The following EML6 variants were observed in gnomAD, a reference collection of about 807,000 sequenced individuals.
The protein encoded by EML6 is echinoderm microtubule-associated protein-like 6.
EML6 carries 154 observed loss-of-function variants against 240.1 expected under a neutral mutation model. The observed-to-expected ratio is 0.64, with a 90% CI of 0.56 to 0.73. EML6 has a LOEUF of 0.73. Among genes scored for constraint, EML6 ranks in the 30% least tolerant of loss-of-function variants. The pLI, the probability that EML6 is intolerant of heterozygous loss-of-function variation, is 0.00. For synonymous variants in EML6, 1,148 were observed against 899.0 expected, an observed-to-expected ratio of 1.28 and a Z score of -4.95; for missense variants, 2,964 against 2,474.6, an observed-to-expected ratio of 1.20 and a Z score of -4.20.
chr2:54,819,559 C>T (rs988964123), intron 4 of EML6, among the ~76,000 whole-genome samples: 3 of 152,050 alleles, frequency 2.0e-5, no homozygotes, highest in Non-Finnish European at 2.9e-5. Flanking sequence ...AGGTGGATCA[C>T]GAGGTCACAA....
chr2:54,968,696 C>T lies in EML6; in HGVS notation c.5780C>T (p.Ser1927Leu), dbSNP rs1445060346. ...FAKHKRYFGH[S>L]AHVTNIRFSY... The stretch of plus-strand genomic sequence containing the variant: ...AAACATAAGCGATACTTCGGTCACT[C>T]GGCTCACGTGACGAACATCCGTTTC... Residue 1927 changes from serine (S) to leucine (L), a missense_variant, in exon 41 of 42, where the codon TCG (serine) becomes TTG (leucine). Ser to Leu is a moderately radical substitution (Grantham distance 145). Coordinates refer to ENST00000356458, the MANE Select transcript of EML6 (RefSeq NM_001039753.4). The T allele has an allele frequency of 1.3e-6, 2 of 1,550,990 alleles. No individual in the cohort carries two copies. The highest frequency in any genetic ancestry group is 1.7e-6 in the Non-Finnish European group (2 of 1,146,356).
intron 2 of EML6, among the ~76,000 whole-genome samples, chr2:54,731,130 G>C (rs1361075572): frequency 6.6e-6 from 1 of 152,146 alleles, no homozygotes; most frequent in African/African-American, 2.4e-5. Flanking sequence ...GCAGAGAAGA[G>C]GTTATGTGCA....
chr2:54,931,973 T>C (rs1477059476), intron 28 of EML6, among the ~76,000 whole-genome samples: 2 of 152,208 alleles, frequency 1.3e-5, no homozygotes, highest in Non-Finnish European at 2.9e-5. Flanking sequence ...TTTTAAGATA[T>C]TTGTGGATTG....
chr2:54,893,210 C>T (rs570887430), intron 19 of EML6, among the ~76,000 whole-genome samples: 14 of 152,196 alleles, frequency 9.2e-5, no homozygotes, highest in Admixed American at 8.5e-4. Context: ...TTGCAGTGTC[C>T]CTCTACAAAG....
At chr2:54,778,533 A>G (rs1452121635) in intron 2 of EML6, among the ~76,000 whole-genome samples, 1 of 152,142 alleles carries the variant, frequency 6.6e-6, no homozygotes, top group Non-Finnish European at 1.5e-5. Flanking sequence ...ACCATGCACT[A>G]AGTTTTGGGT....
chr2:54,771,830 T>C (rs1572878168), intron 2 of EML6, among the ~76,000 whole-genome samples: 2 of 152,240 alleles, frequency 1.3e-5, no homozygotes, highest in East Asian at 3.8e-4. Flanking sequence ...TCATTTGTGT[T>C]ACCTCTTCAA....
chr2:54,729,568 G>A (rs1683065111), intron 2 of EML6, among the ~76,000 whole-genome samples: 1 of 152,212 alleles, frequency 6.6e-6, no homozygotes. Context: ...GGCACAGAGA[G>A]GTTGAGGATC....
At position 54,812,240 on chromosome 2, in the gene EML6, CAG is replaced by C. The variant is rs142430561; in HGVS notation, c.198-988_198-987del. Among the ~76,000 whole-genome samples, 1,155 of 151,624 alleles carry C rather than the reference CAG, an allele frequency of 7.6e-3. 10 individuals carry two copies. The highest frequency in any genetic ancestry group is 0.027 in the African/African-American group (1,105 of 41,300). ...AGATGAAGTAATTTGTCCAAAGAAC[CAG>C]AGATACTAAGGGCAGCCAACATGCA... On this transcript the variant is annotated intron_variant, in intron 2 of 41. Transcript: ENST00000356458.
chr2:54,741,194 A>C (rs1683613383), intron 2 of EML6, among the ~76,000 whole-genome samples: 1 of 151,986 alleles, frequency 6.6e-6, no homozygotes. Flanking sequence ...TCTCTATCTT[A>C]CTGCTTCTGC....
chr2:54,866,752 T>C lies in EML6; in HGVS notation c.1933-14T>C, dbSNP rs150705362. 179 of 1,496,162 alleles carry C rather than the reference T, an allele frequency of 1.2e-4. No individual in the cohort carries two copies. The African/African-American group carries it at 2.3e-3, about 19-fold the overall frequency. 92.7% of individuals were successfully genotyped at this position (1,496,162 alleles called of 1,614,324 possible). On this transcript the variant is annotated splice_polypyrimidine_tract_variant and intron_variant, in intron 13 of 41. Coordinates refer to ENST00000356458, the MANE Select transcript of EML6 (RefSeq NM_001039753.4). The stretch of plus-strand genomic sequence containing the variant: ...GAAAGGCATCTCACCCAGATGTTTC[T>C]GTTGTACTTTAAGGTTTACAAAGAA...
intron 28 of EML6, among the ~76,000 whole-genome samples, chr2:54,945,939 G>T (rs1675675556): frequency 6.6e-6 from 1 of 152,202 alleles, no homozygotes; most frequent in Admixed American, 6.5e-5. Context: ...TCCACAGGGG[G>T]TACAGGGTTG....
chr2:54,812,489 C>A (rs1289066232), intron 2 of EML6, among the ~76,000 whole-genome samples: 2 of 151,110 alleles, frequency 1.3e-5, no homozygotes, highest in African/African-American at 4.9e-5. Context: ...TAGAAAGACA[C>A]AACGCCTATA....
chr2:54,923,164 C>G (rs1198297974), intron 26 of EML6, among the ~76,000 whole-genome samples: 7 of 152,004 alleles, frequency 4.6e-5, no homozygotes, highest in Admixed American at 2.0e-4. Flanking sequence ...TGGTCTCGAA[C>G]TCCCAACCTC....
At chr2:54,938,509 T>C (rs985104479) in intron 28 of EML6, among the ~76,000 whole-genome samples, 1 of 152,198 alleles carries the variant, frequency 6.6e-6, no homozygotes, top group Non-Finnish European at 1.5e-5. Context: ...CTGAGATGTA[T>C]TTTATACTTT....
chr2:54,822,255 A>G (rs1308188339), intron 5 of EML6, among the ~76,000 whole-genome samples: 1 of 152,224 alleles, frequency 6.6e-6, no homozygotes, highest in Non-Finnish European at 1.5e-5. Flanking sequence ...GCAAGGATTC[A>G]GTGAATGACC....
intron 28 of EML6, among the ~76,000 whole-genome samples, chr2:54,937,881 T>C (rs1675231090): frequency 6.6e-6 from 1 of 152,022 alleles, no homozygotes; most frequent in South Asian, 2.1e-4. Flanking sequence ...TCTACAAGAG[T>C]TGGGTCAATG....
At chr2:54,861,219 C>G (rs1558623741) in intron 12 of EML6, among the ~76,000 whole-genome samples, 1 of 152,208 alleles carries the variant, frequency 6.6e-6, no homozygotes, top group African/African-American at 2.4e-5. Flanking sequence ...AAATCTAAGC[C>G]TACCCATACT....
intron 2 of EML6, among the ~76,000 whole-genome samples, chr2:54,779,748 G>C (rs1668764728): frequency 6.6e-6 from 1 of 151,102 alleles, no homozygotes; most frequent in Non-Finnish European, 1.5e-5. Flanking sequence ...TATAGTCACA[G>C]CTACTTGGAA....
At chr2:54,838,851 C>T (rs1669291447) in intron 7 of EML6, among the ~76,000 whole-genome samples, 2 of 152,310 alleles carry the variant, frequency 1.3e-5, no homozygotes, top group Admixed American at 1.3e-4. Context: ...GAAACGCCTT[C>T]AGTTCACAGT....
Sources: gnomAD v4.1 joint callset for allele counts (sites outside exome capture counted in the v4.1 genomes callset) on GRCh38, gnomAD v4.1.1 for gene constraint, MANE v1.5 for transcripts, NCBI Gene and HGNC (gene_info 2026-07-23, HGNC 2026-07-21) for gene names.